DCAF5: variants seen among roughly 807,000 people sequenced by gnomAD.
DCAF5 encodes the protein DDB1 and CUL4 associated factor 5.
Under a neutral mutation model 80.7 loss-of-function variants are expected in DCAF5, and 9 were observed. The ratio of observed to expected loss-of-function variants is 0.11; its 90% CI spans 0.07 to 0.19. DCAF5 has a LOEUF of 0.19. Among genes scored for constraint, DCAF5 ranks in the 10% least tolerant of loss-of-function variants. The probability of loss-of-function intolerance (pLI) is 1.00; values close to 1 mark genes in which losing one functional copy is unlikely to be tolerated. For synonymous variants in DCAF5, 433 were observed against 461.9 expected (o/e 0.94, Z 0.80); for missense variants, 842 against 1,205.7 (o/e 0.70, Z 4.47).
At chr14:69,143,442 C>T (rs1472529304) in intron 1 of DCAF5, among the ~76,000 whole-genome samples, 1 of 151,636 alleles carries the variant, frequency 6.6e-6, no homozygotes, top group Admixed American at 6.6e-5. Flanking sequence ...ACTACCCTAA[C>T]TTACAAAACA....
intron 6 of DCAF5, chr14:69,085,523 C>T: frequency 3.4e-6 from 1 of 295,808 alleles, no homozygotes; most frequent in Non-Finnish European, 6.7e-6. Context: ...CGGTTGCAAG[C>T]ACTGAACACT....
At chr14:69,073,954 G>A (rs1266207324) in intron 7 of DCAF5, among the ~76,000 whole-genome samples, 4 of 152,174 alleles carry the variant, frequency 2.6e-5, no homozygotes, top group African/African-American at 4.8e-5. Context: ...CTTTGTTCAG[G>A]TAGACTACTG....
rs1488271529 is a variant in DCAF5 at position 69,052,532 on chromosome 14, G to C, written c.*1325C>G. 6.6e-6 allele frequency: 1 copy of C among 152,556 alleles called. No homozygotes were observed. Among genetic ancestry groups the C allele is most frequent in the African/African-American group, 2.4e-5 (1 of 41,406 alleles). The allele number at this position is 152,556 out of a possible 1,614,324, so 9.5% of individuals were successfully genotyped here. A position where few individuals can be genotyped will look rare whatever the true frequency, so the allele number is the denominator to read the frequency against. On this transcript the variant is annotated 3_prime_UTR_variant, in exon 9 of 9. Coordinates refer to ENST00000341516, the MANE Select transcript of DCAF5 (RefSeq NM_003861.3). ...GGTCATTCCCAGACCTTCCTGTTTTGCACAACCCTTCATAGATAACCGAGT... is the reference window on the plus strand; with the variant it reads ...GGTCATTCCCAGACCTTCCTGTTTTCCACAACCCTTCATAGATAACCGAGT...
At position 69,073,331 on chromosome 14, in the gene DCAF5, A is replaced by G. The variant is rs562163266; in HGVS notation, c.946+2014T>C. On this transcript the variant is annotated intron_variant, in intron 7 of 8. Coordinates refer to ENST00000341516, the MANE Select transcript of DCAF5 (RefSeq NM_003861.3). ...AACACAGTGAGAAGGTGGCCAAGGA[A>G]AGAGACATCGAGAGAAACCAAACCT... is the stretch of plus-strand genomic sequence containing the variant. Among the ~76,000 whole-genome samples, 215 of 152,296 alleles carry G rather than the reference A, an allele frequency of 1.4e-3. 5 individuals are homozygous for G. In the South Asian group the frequency reaches 0.028, roughly 20 times the overall value.
intron 1 of DCAF5, among the ~76,000 whole-genome samples, chr14:69,130,055 G>A (rs996072156): frequency 1.3e-5 from 2 of 152,178 alleles, no homozygotes; most frequent in African/African-American, 4.8e-5. Flanking sequence ...CTTTCCCAAA[G>A]GGTCCCGAGC....
In DCAF5 at chr14:69,083,426, G is replaced by A. The variant is rs1284212189; in HGVS notation, c.880-8015C>T. On this transcript the variant is annotated intron_variant, in intron 6 of 8. Transcript: ENST00000341516. ...TCTCACCTGCTGATGAAACTCCTAC[G>A]CAAGAAGATCAAGAAGTGGAACCTC... 11 of 306,426 alleles carry A rather than the reference G, an allele frequency of 3.6e-5. No homozygotes were observed. The East Asian group carries it at 7.1e-4, about 20-fold the overall frequency. The allele number at this position is 306,426 out of a possible 1,614,324, so 19.0% of individuals were successfully genotyped here. A position where few individuals can be genotyped will look rare whatever the true frequency, so the allele number is the denominator to read the frequency against.
At chr14:69,077,723 G>A (rs2038954765) in intron 6 of DCAF5, among the ~76,000 whole-genome samples, 1 of 152,066 alleles carries the variant, frequency 6.6e-6, no homozygotes, top group Admixed American at 6.6e-5. Flanking sequence ...AAATGACATC[G>A]AACATCCCCA....
chr14:69,127,161 G>T (rs1331330002), intron 1 of DCAF5, among the ~76,000 whole-genome samples: 1 of 151,812 alleles, frequency 6.6e-6, no homozygotes, highest in Admixed American at 6.6e-5. Context: ...GTTGAAACTT[G>T]TATCTACACA....
At chr14:69,140,827 G>A (rs1414090376) in intron 1 of DCAF5, among the ~76,000 whole-genome samples, 1 of 151,980 alleles carries the variant, frequency 6.6e-6, no homozygotes, top group African/African-American at 2.4e-5. Flanking sequence ...CTTAAAAGTG[G>A]CAGCGGAGGC....
At chr14:69,082,287 C>T (rs1105625) in intron 6 of DCAF5, among the ~76,000 whole-genome samples, 103,565 of 152,096 alleles carry the variant, frequency 0.68, 35,591 homozygotes, top group East Asian at 0.97. Flanking sequence ...AGAAATTTCA[C>T]TGCCTCCCAA....
Position 69,084,922 on chromosome 14 carries a change from G to C in DCAF5, c.879+6752C>G, listed in dbSNP as rs1397850093. 2.1e-6 allele frequency: 3 copies of C among 1,425,788 alleles called. No homozygotes were observed. The East Asian group carries it at 6.9e-5, about 33-fold the overall frequency. The allele number at this position is 1,425,788 out of a possible 1,614,324, so 88.3% of individuals were successfully genotyped here. On this transcript the variant is annotated intron_variant, in intron 6 of 8. Transcript: ENST00000341516. ...AGGAATAATATTCATCGTGTGGGTA[G>C]AACAGCCAGAGACCTAAATGGGAGA...
Position 69,055,197 on chromosome 14 carries a change from T to A in DCAF5, c.1489A>T (p.Thr497Ser). Residue 497 changes from threonine (T) to serine (S), a missense_variant, in exon 9 of 9, where the codon ACT (threonine) becomes TCT (serine). Coordinates refer to ENST00000341516, the MANE Select transcript of DCAF5 (RefSeq NM_003861.3). The surrounding 1 kb of genome is among the most constrained non-coding windows in gnomAD (Gnocchi z 5.6). ...TCCTCACACGTGGGTGTTGGTGGAG[T>A]TGAGGCTACTGTGTTTGTGGTGGTG... is the stretch of plus-strand genomic sequence containing the variant. ...RVTTTNTVAS[T>S]PPTPTCEDAA... is the part of the protein sequence containing the mutation. 6.2e-7 allele frequency: 1 copy of A among 1,613,942 alleles called. No homozygotes were observed. The highest frequency in any genetic ancestry group is 8.5e-7 in the Non-Finnish European group (1 of 1,180,004).
chr14:69,077,862 G>A (rs1490157991), intron 6 of DCAF5, among the ~76,000 whole-genome samples: 1 of 152,180 alleles, frequency 6.6e-6, no homozygotes, highest in East Asian at 1.9e-4. Flanking sequence ...GGCAAAGACA[G>A]GTGGGTTTAA....
In DCAF5 at chr14:69,059,822, G is replaced by C. The variant is rs566507956; in HGVS notation, c.1074+2562C>G. Among the ~76,000 whole-genome samples the C allele has an allele frequency of 2.0e-5, 3 of 152,284 alleles. No homozygotes were observed. In the East Asian group the frequency reaches 5.8e-4, roughly 29 times the overall value. On this transcript the variant is annotated intron_variant, in intron 8 of 8. Transcript: ENST00000341516. ...TACTTAATGTTTCAAAGGGCTAAAT[G>C]TGCCTCCTGGTGGAAGAGGGTTCAG... is the stretch of plus-strand genomic sequence containing the variant.
chr14:69,143,637 C>A (rs187274001), intron 1 of DCAF5, among the ~76,000 whole-genome samples: 11 of 147,314 alleles, frequency 7.5e-5, no homozygotes, highest in African/African-American at 2.8e-4. Context: ...TGGTAGGCGC[C>A]GGGGAGTGCT....
intron 5 of DCAF5, among the ~76,000 whole-genome samples, chr14:69,099,489 G>A (rs1223392811): frequency 1.3e-5 from 2 of 151,690 alleles, no homozygotes; most frequent in Non-Finnish European, 2.9e-5. Flanking sequence ...GGTCCACAGT[G>A]ATTTATCAAT....
At chr14:69,082,035 ATCAAACAC>A (rs1305653108) in intron 6 of DCAF5, among the ~76,000 whole-genome samples, 1 of 152,246 alleles carries the variant, frequency 6.6e-6, no homozygotes, top group Non-Finnish European at 1.5e-5. Flanking sequence ...TTAAATTTAA[ATCAAACAC>A]AGCTCTTATT....
intron 4 of DCAF5, 99 bp from the exon 5 acceptor site, chr14:69,116,594 A>ACGGCC: frequency 6.9e-7 from 1 of 1,440,926 alleles, no homozygotes; most frequent in Non-Finnish European, 9.4e-7. Context: ...GCACTCTTTA[A>ACGGCC]TAACCACTCC....
chr14:69,094,064 A>G (rs2039619073), intron 5 of DCAF5, among the ~76,000 whole-genome samples: 1 of 152,168 alleles, frequency 6.6e-6, no homozygotes. Flanking sequence ...TCAATCCAAC[A>G]TCAGTATGGA....
Sources: allele counts gnomAD v4.1 joint callset (sites outside exome capture counted in the v4.1 genomes callset), GRCh38; gene constraint gnomAD v4.1.1; non-coding constraint Gnocchi (gnomAD v3.1); transcripts MANE v1.5; gene names NCBI Gene and HGNC (gene_info 2026-07-23, HGNC 2026-07-21).